ELOVL5: variants seen among roughly 807,000 people sequenced by gnomAD.
The protein encoded by ELOVL5 is ELOVL fatty acid elongase 5.
Under a neutral mutation model 38.6 loss-of-function variants are expected in ELOVL5, and 8 were observed. The observed-to-expected ratio is 0.21, with a 90% confidence interval of 0.12 to 0.37. ELOVL5 has a LOEUF of 0.37. Ranked by LOEUF, ELOVL5 falls within the 10% of genes least tolerant of loss-of-function variation. The pLI is 1.00. For missense variants in ELOVL5, 280 were observed against 367.8 expected (o/e 0.76, Z 1.95); for synonymous variants, 127 against 133.7 (o/e 0.95, Z 0.34).
At chr6:53,270,441 C>G (rs530803553) in intron 7 of ELOVL5, 152 bp downstream of exon 7, 4 of 769,774 alleles carry the variant, frequency 5.2e-6, no homozygotes, top group Non-Finnish European at 8.2e-6. Context: ...TGTGAGCCCC[C>G]CAGAGGCAGG....
chr6:53,326,527 C>G (rs1032780133), intron 1 of ELOVL5, among the ~76,000 whole-genome samples: 3 of 152,224 alleles, frequency 2.0e-5, no homozygotes, highest in Middle Eastern at 3.4e-3. Context: ...TCCGGCAGCT[C>G]CCAAGCAGGG....
intron 1 of ELOVL5, among the ~76,000 whole-genome samples, chr6:53,324,964 G>A (rs1188593596): frequency 1.3e-5 from 2 of 152,126 alleles, no homozygotes; most frequent in Non-Finnish European, 2.9e-5. Context: ...TCAATGGCTG[G>A]GGCGGACAGA....
intron 7 of ELOVL5, among the ~76,000 whole-genome samples, chr6:53,270,015 TG>T (rs982233778): frequency 6.6e-6 from 1 of 152,200 alleles, no homozygotes; most frequent in Non-Finnish European, 1.5e-5. Context: ...ACATGTCATC[TG>T]GGGGGTGACG....
intron 6 of ELOVL5, 75 bp from the exon 7 acceptor site, chr6:53,270,802 C>A (rs1357226606): frequency 1.3e-6 from 2 of 1,556,518 alleles, no homozygotes; most frequent in African/African-American, 1.4e-5. Context: ...GACTTTTTAA[C>A]CAGCATCACC....
At chr6:53,305,874 G>A (rs1375462354) in intron 1 of ELOVL5, among the ~76,000 whole-genome samples, 1 of 152,086 alleles carries the variant, frequency 6.6e-6, no homozygotes, top group East Asian at 2.0e-4. Context: ...GGAGGTTGTA[G>A]CGAGCCGAGA....
rs1023095663 is a variant in ELOVL5, at chr6:53,268,028, G to A, written c.*1099C>T. ...ACAAGTTACCTCTATCAAATTTCTC[G>A]ATTCTCTTATGCTGTAGCTATATTT... On this transcript the variant is annotated 3_prime_UTR_variant, in exon 8 of 8. Coordinates refer to ENST00000304434, the MANE Select transcript of ELOVL5 (RefSeq NM_021814.5). The A allele has an allele frequency of 2.0e-5, 3 of 152,102 alleles. No individual in the cohort carries two copies. The highest frequency in any genetic ancestry group is 4.4e-5 in the Non-Finnish European group (3 of 68,012). 9.4% of individuals were successfully genotyped at this position (152,102 alleles called of 1,614,324 possible).
intron 1 of ELOVL5, among the ~76,000 whole-genome samples, chr6:53,312,582 T>C (rs1454665190): frequency 1.3e-5 from 2 of 152,338 alleles, no homozygotes; most frequent in Non-Finnish European, 2.9e-5. Flanking sequence ...ATGTTGTGTA[T>C]CTGGACCGTA....
At chr6:53,331,361 AAGTAC>A (rs1349481487) in intron 1 of ELOVL5, among the ~76,000 whole-genome samples, 5 of 152,206 alleles carry the variant, frequency 3.3e-5, no homozygotes, top group Non-Finnish European at 7.3e-5. Flanking sequence ...AAATGATAAA[AAGTAC>A]AGTAAATACA....
Position 53,337,657 on chromosome 6 carries a change from C to T in ELOVL5, c.-9+11160G>A, listed in dbSNP as rs1769132380. On this transcript the variant is annotated intron_variant, in intron 1 of 7. Transcript: ENST00000304434. ...AGAGAAACATTCAGGCACGTAATTGCTAGATACCTACACTATGTGCCAGAT... is the reference window on the plus strand; with the variant it reads ...AGAGAAACATTCAGGCACGTAATTGTTAGATACCTACACTATGTGCCAGAT... Among the ~76,000 whole-genome samples, 3 of 152,280 alleles carry T rather than the reference C, an allele frequency of 2.0e-5. No individual in the cohort carries two copies. In the South Asian group the frequency reaches 6.2e-4, roughly 32 times the overall value.
chr6:53,276,116 A>T, intron 4 of ELOVL5, 63 bp downstream of exon 4: 2 of 1,169,878 alleles, frequency 1.7e-6, no homozygotes, highest in Non-Finnish European at 2.5e-6. Flanking sequence ...TTTGTATTTT[A>T]TACAATTTAT....
Position 53,268,879 on chromosome 6 carries a change from C to T in ELOVL5, c.*248G>A. ...AATAAGGCAACAGCAGTGTTGTATA[C>T]TATAATAATACTCCCTTTCCACAGT... On this transcript the variant is annotated 3_prime_UTR_variant, in exon 8 of 8. Transcript: ENST00000304434. 2.7e-6 allele frequency: 1 copy of T among 368,984 alleles called. No homozygotes were observed. Among genetic ancestry groups the T allele is most frequent in the Admixed American group, 4.4e-5 (1 of 22,790 alleles). 22.9% of individuals were successfully genotyped at this position (368,984 alleles called of 1,614,324 possible). A position where few individuals can be genotyped will look rare whatever the true frequency, so the allele number is the denominator to read the frequency against.
At chr6:53,309,297 GGCTGCTGCT>G (rs958137176) in intron 1 of ELOVL5, among the ~76,000 whole-genome samples, 8 of 152,086 alleles carry the variant, frequency 5.3e-5, no homozygotes, top group Non-Finnish European at 1.0e-4. Flanking sequence ...ACTGCTGACA[GGCTGCTGCT>G]GCTGCTGCTG....
chr6:53,294,517 C>T, intron 2 of ELOVL5: 2 of 1,541,638 alleles, frequency 1.3e-6, no homozygotes, highest in Non-Finnish European at 8.8e-7. Flanking sequence ...TAGAAAATGA[C>T]AAGAACAAGG....
intron 1 of ELOVL5, among the ~76,000 whole-genome samples, chr6:53,347,895 C>T (rs1769632854): frequency 6.6e-6 from 1 of 152,232 alleles, no homozygotes; most frequent in Admixed American, 6.5e-5. Flanking sequence ...TTGCTCTAGG[C>T]ATTGCTCCGT....
intron 3 of ELOVL5, among the ~76,000 whole-genome samples, chr6:53,287,502 G>C (rs1766617201): frequency 6.6e-6 from 1 of 152,156 alleles, no homozygotes; most frequent in South Asian, 2.1e-4. Context: ...AGAGTACTTT[G>C]AAAGGAATGC....
intron 1 of ELOVL5, among the ~76,000 whole-genome samples, chr6:53,307,188 T>C (rs965905484): frequency 7.2e-5 from 11 of 152,196 alleles, no homozygotes; most frequent in African/African-American, 2.7e-4. Context: ...GAGACAGACA[T>C]GACCTCTGCC....
intron 1 of ELOVL5, among the ~76,000 whole-genome samples, chr6:53,317,835 T>A (rs12176113): frequency 3.4e-5 from 5 of 148,248 alleles, no homozygotes; most frequent in East Asian, 2.0e-4. Flanking sequence ...AAAAAAAAAT[T>A]AAAAAAAATA....
intron 6 of ELOVL5, 62 bp from the exon 7 acceptor site, chr6:53,270,789 G>T: frequency 6.3e-7 from 1 of 1,588,008 alleles, no homozygotes; most frequent in Non-Finnish European, 8.6e-7. Context: ...CCCACACCAG[G>T]CAGACTTTTT....
chr6:53,299,465 A>T (rs1387302687), intron 1 of ELOVL5, among the ~76,000 whole-genome samples: 1 of 152,224 alleles, frequency 6.6e-6, no homozygotes, highest in Non-Finnish European at 1.5e-5. Context: ...TATGAAGCCC[A>T]GTAATTGCGA....
Sources: gnomAD v4.1 joint callset for allele counts (sites outside exome capture counted in the v4.1 genomes callset) on GRCh38, gnomAD v4.1.1 for gene constraint, MANE v1.5 for transcripts, NCBI Gene and HGNC (gene_info 2026-07-23, HGNC 2026-07-21) for gene names.